SLC37A2: variants seen among roughly 807,000 people sequenced by gnomAD.
SLC37A2 encodes the protein glucose-6-phosphate exchanger SLC37A2.
A neutral mutation model predicts 70.7 loss-of-function variants in SLC37A2; 59 were observed. The observed-to-expected ratio is 0.83, with a 90% CI of 0.68 to 1.04. The LOEUF (loss-of-function observed/expected upper bound fraction) is 1.04. Among genes scored for constraint, SLC37A2 ranks in the 50% least tolerant of loss-of-function variants. The pLI is 0.00. For missense variants in SLC37A2, 580 were observed against 658.1 expected, an observed-to-expected ratio of 0.88 and a Z score of 1.30; for synonymous variants, 257 against 262.1, an observed-to-expected ratio of 0.98 and a Z score of 0.19.
chr11:125,082,450 G>C, intron 10 of SLC37A2, 116 bp downstream of exon 10: 1 of 878,286 alleles, frequency 1.1e-6, no homozygotes, highest in Non-Finnish European at 1.9e-6. Flanking sequence ...CAGAATTCCT[G>C]CTGAACCTCT....
chr11:125,072,622 G>A lies in SLC37A2; in HGVS notation c.60-4135G>A, dbSNP rs553533289. Reference sequence around the variant, plus strand: ...CTTCTGGGACCTCTTGATTCACGAGGGAAGGACTGGTGAGAGGAGAAGTGA... The same window carrying A: ...CTTCTGGGACCTCTTGATTCACGAGAGAAGGACTGGTGAGAGGAGAAGTGA... On this transcript the variant is annotated intron_variant, in intron 1 of 17. Transcript: ENST00000403796. Among the ~76,000 whole-genome samples, 4 of 152,280 alleles carry A rather than the reference G, an allele frequency of 2.6e-5. No homozygotes were observed. The South Asian group carries it at 8.3e-4, about 32-fold the overall frequency.
chr11:125,084,021 A>G (rs11219893), intron 11 of SLC37A2, 144 bp downstream of exon 11: 1 of 917,384 alleles, frequency 1.1e-6, no homozygotes, highest in African/African-American at 1.6e-5. Flanking sequence ...CTCAGCTCTG[A>G]TCCTGCCTGG....
intron 17 of SLC37A2, chr11:125,087,373 A>T (rs1181864981): frequency 6.6e-6 from 1 of 152,416 alleles, no homozygotes; most frequent in East Asian, 1.9e-4. Flanking sequence ...GCAGTGATTT[A>T]TCAGAGCAGA....
At chr11:125,079,546 G>A (rs539298867) in intron 5 of SLC37A2, 138 bp from the exon 6 acceptor site, 89 of 680,154 alleles carry the variant, frequency 1.3e-4, no homozygotes, top group African/African-American at 1.3e-3. Flanking sequence ...GTGTGTAAGG[G>A]AAGGGTAAGG....
At chr11:125,085,545 G>A (rs780230904) in intron 15 of SLC37A2, 32 bp from the exon 16 acceptor site, 2 of 1,612,732 alleles carry the variant, frequency 1.2e-6, no homozygotes, top group African/African-American at 1.3e-5. Context: ...GGAGGTGCAG[G>A]ACCCCTGCTC....
In SLC37A2 at chr11:125,063,491, G is replaced by A. The variant is rs1948951062; in HGVS notation, c.59+65G>A. The A allele has an allele frequency of 6.8e-7, 1 of 1,469,484 alleles. No individual in the cohort carries two copies. Among genetic ancestry groups the A allele is most frequent in the South Asian group, 1.2e-5 (1 of 83,266 alleles). The allele number at this position is 1,469,484 out of a possible 1,614,324, so 91.0% of individuals were successfully genotyped here. A position where few individuals can be genotyped will look rare whatever the true frequency, so the allele number is the denominator to read the frequency against. ...GGGCTCGGGGCTTGCAGGGGCCGCGGGGGGCCTCGGAGATCACCCCAGATC... is the reference window on the plus strand; with the variant it reads ...GGGCTCGGGGCTTGCAGGGGCCGCGAGGGGCCTCGGAGATCACCCCAGATC... On this transcript the variant is annotated intron_variant, in intron 1 of 17. Coordinates refer to ENST00000403796, the MANE Select transcript of SLC37A2 (RefSeq NM_001145290.2). This position sits in a 1 kb window ranked among gnomAD's most constrained non-coding sequence, Gnocchi z 5.4.
intron 1 of SLC37A2, among the ~76,000 whole-genome samples, chr11:125,072,384 G>C (rs771279387): frequency 6.6e-6 from 1 of 152,144 alleles, no homozygotes; most frequent in Non-Finnish European, 1.5e-5. Context: ...GGGGAGGTGG[G>C]ATTCTGAGAA....
intron 8 of SLC37A2, 113 bp downstream of exon 8, chr11:125,081,571 C>G (rs4396301): frequency 0.57 from 810,520 of 1,409,618 alleles, 234,775 homozygotes; most frequent in East Asian, 0.68. Context: ...CTGACCTCAC[C>G]GACCCAGTGC....
At chr11:125,082,026 A>C in intron 9 of SLC37A2, 120 bp downstream of exon 9, 1 of 1,229,576 alleles carries the variant, frequency 8.1e-7, no homozygotes, top group East Asian at 2.5e-5. Flanking sequence ...GGGAGGTGTA[A>C]GTTGGGCAGC....
intron 11 of SLC37A2, 136 bp downstream of exon 11, chr11:125,084,013 C>T: frequency 2.0e-6 from 2 of 979,178 alleles, no homozygotes; most frequent in Non-Finnish European, 3.1e-6. Flanking sequence ...GGTTTATTCT[C>T]AGCTCTGATC....
At chr11:125,086,571 A>T (rs1949217846) in intron 17 of SLC37A2, 1 of 382,828 alleles carries the variant, frequency 2.6e-6, no homozygotes, top group Admixed American at 3.9e-5. Context: ...GTGCCTCCTG[A>T]AGTTCAGAAA....
chr11:125,079,319 G>A (rs1450095762), intron 5 of SLC37A2, 72 bp downstream of exon 5: 2 of 1,591,894 alleles, frequency 1.3e-6, no homozygotes, highest in African/African-American at 2.7e-5. Flanking sequence ...GCAGCTCACA[G>A]CGGGTGGGAG....
intron 1 of SLC37A2, 53 bp from the exon 2 acceptor site, chr11:125,076,704 A>G (rs1028499028): frequency 5.4e-5 from 85 of 1,567,012 alleles, no homozygotes; most frequent in Non-Finnish European, 7.3e-5. Context: ...CCGGCCCAGA[A>G]CTTCCAGCTG....
chr11:125,084,854 C>A lies in SLC37A2; in HGVS notation c.1155C>A (p.Asp385Glu). The A allele has an allele frequency of 6.2e-7, 1 of 1,613,824 alleles. No homozygotes were observed. The highest frequency in any genetic ancestry group is 8.5e-7 in the Non-Finnish European group (1 of 1,179,896). The change falls in exon 13 of 18, where the codon GAC becomes GAA. Residue 385 changes from aspartate to glutamate, a missense_variant. Coordinates refer to ENST00000403796, the MANE Select transcript of SLC37A2 (RefSeq NM_001145290.2). The part of the protein sequence containing the change: ...MMFLYNYIGQ[D>E]GIASSIVMLI... ...TCCTGTACAACTACATTGGCCAGGA[C>A]GGGATTGCCAGCTCCATAGGTGAGG...
At position 125,063,435 on chromosome 11, in the gene SLC37A2, G is replaced by A. The variant is rs1249176626; in HGVS notation, c.59+9G>A. The A allele has an allele frequency of 4.3e-6, 7 of 1,609,498 alleles. No individual in the cohort carries two copies. The highest frequency in any genetic ancestry group is 5.9e-6 in the Non-Finnish European group (7 of 1,178,510). On this transcript the variant is annotated intron_variant, in intron 1 of 17. Transcript: ENST00000403796. The surrounding 1 kb of genome is among the most constrained non-coding windows in gnomAD (Gnocchi z 5.4). The stretch of plus-strand genomic sequence containing the variant: ...TTCTCCAGGGACAGCTGGTGAGCGG[G>A]GCAGGGGAGGGAGGCGTGCCGGGAC...
At chr11:125,075,387 T>G (rs954975104) in intron 1 of SLC37A2, among the ~76,000 whole-genome samples, 2 of 152,232 alleles carry the variant, frequency 1.3e-5, no homozygotes, top group African/African-American at 4.8e-5. Flanking sequence ...TGACAGGCAC[T>G]TGGAGTAGCC....
chr11:125,084,052 T>C (rs868298218), intron 11 of SLC37A2, among the ~76,000 whole-genome samples, 175 bp downstream of exon 11: 7 of 152,308 alleles, frequency 4.6e-5, no homozygotes, highest in Admixed American at 1.3e-4. Flanking sequence ...CTAAGAAAGA[T>C]GCCCTTTTGT....
intron 15 of SLC37A2, 41 bp from the exon 16 acceptor site, chr11:125,085,536 G>A (rs757473778): frequency 6.8e-6 from 11 of 1,612,782 alleles, no homozygotes; most frequent in Non-Finnish European, 9.3e-6. Flanking sequence ...GTGGGCAGGG[G>A]AGGTGCAGGA....
At chr11:125,076,980 G>A (rs1591630757) in intron 2 of SLC37A2, 142 bp downstream of exon 2, 1 of 846,124 alleles carries the variant, frequency 1.2e-6, no homozygotes, top group East Asian at 2.6e-5. Context: ...CTCCTTTTGA[G>A]TTTATTCCCC....
Sources: allele counts gnomAD v4.1 joint callset (sites outside exome capture counted in the v4.1 genomes callset), GRCh38; gene constraint gnomAD v4.1.1; non-coding constraint Gnocchi (gnomAD v3.1); transcripts MANE v1.5; gene names NCBI Gene and HGNC (gene_info 2026-07-23, HGNC 2026-07-21).